The following GRIN2B variants were observed in gnomAD, a reference collection of about 807,000 sequenced individuals.
GRIN2B encodes the protein glutamate receptor ionotropic, NMDA 2B.
GRIN2B carries 5 observed loss-of-function variants against 114.5 expected under a neutral mutation model. That is an observed-to-expected ratio of 0.04 (90% CI 0.02 to 0.09). GRIN2B has a LOEUF of 0.09. GRIN2B is among the 10% of genes least tolerant of loss of function. GRIN2B has a pLI of 1.00. For missense variants in GRIN2B, 1,108 were observed against 1,943.5 expected, an observed-to-expected ratio of 0.57 and a Z score of 8.08; for synonymous variants, 787 against 745.1, an observed-to-expected ratio of 1.06 and a Z score of -0.92.
intron 3 of GRIN2B, among the ~76,000 whole-genome samples, chr12:13,810,720 A>T (rs1036488453): frequency 6.6e-6 from 1 of 152,184 alleles, no homozygotes; most frequent in African/African-American, 2.4e-5. Context: ...CTTAATAGTT[A>T]TTGCACTTCT....
chr12:13,678,280 T>C (rs1950094723), intron 4 of GRIN2B, among the ~76,000 whole-genome samples: 2 of 152,112 alleles, frequency 1.3e-5, no homozygotes, highest in Admixed American at 1.3e-4. Context: ...CCACCACCAC[T>C]GGATTGTCCT....
At chr12:13,567,399 G>GGAAATGAATAAAGTTAACA (rs1948655460) in intron 12 of GRIN2B, 136 bp from the exon 13 acceptor site, 1 of 669,212 alleles carries the variant, frequency 1.5e-6, no homozygotes, top group Non-Finnish European at 2.6e-6. Flanking sequence ...CAAAAAGAAA[G>GGAAATGAATAAAGTTAACA]GAAATGAATA....
intron 2 of GRIN2B, among the ~76,000 whole-genome samples, chr12:13,952,199 C>T (rs140156448): frequency 1.6e-4 from 25 of 152,018 alleles, no homozygotes; most frequent in African/African-American, 5.1e-4. Context: ...TTAGAGCTTC[C>T]GTAAAGGAAG....
chr12:13,627,022 CCAGGAGAATGTTAAGT>C (rs1949575809), intron 5 of GRIN2B, among the ~76,000 whole-genome samples: 1 of 151,578 alleles, frequency 6.6e-6, no homozygotes, highest in Non-Finnish European at 1.5e-5. Context: ...TTGGTAGGAC[CCAGGAGAATGTTAAGT>C]CAGTCTCAAT....
intron 2 of GRIN2B, among the ~76,000 whole-genome samples, chr12:13,948,330 G>A (rs112208773): frequency 6.6e-6 from 1 of 152,140 alleles, no homozygotes; most frequent in Admixed American, 6.6e-5. Context: ...AATGGGCTGC[G>A]ATGAAAGAAC....
intron 2 of GRIN2B, among the ~76,000 whole-genome samples, chr12:13,927,086 T>A (rs1211070706): frequency 6.6e-6 from 1 of 151,792 alleles, no homozygotes; most frequent in Non-Finnish European, 1.5e-5. Context: ...CAGATAATAA[T>A]ATCACTGTAA....
intron 5 of GRIN2B, among the ~76,000 whole-genome samples, chr12:13,675,534 A>C (rs1950065112): frequency 6.6e-6 from 1 of 152,190 alleles, no homozygotes; most frequent in Non-Finnish European, 1.5e-5. Flanking sequence ...AATAAATGGT[A>C]ATACACAAAG....
chr12:13,974,525 C>T (rs889903010), intron 2 of GRIN2B, among the ~76,000 whole-genome samples: 3 of 152,068 alleles, frequency 2.0e-5, no homozygotes, highest in Non-Finnish European at 4.4e-5. Flanking sequence ...TTGCCTTTTA[C>T]ACCAACTTTC....
rs148467533 is a variant in GRIN2B at position 13,716,295 on chromosome 12, A to C, written c.1010+37022T>G. On this transcript the variant is annotated intron_variant, in intron 4 of 13. Transcript: ENST00000609686. ...TACTGTGCAAATTTAGAGACAGGAG[A>C]GTATAGTGTAGGGAGGTGAAGTCAG... 4.1e-3 allele frequency among the ~76,000 whole-genome samples: 624 copies of C among 152,044 alleles called. 6 individuals are homozygous for C. Among genetic ancestry groups the C allele is most frequent in the Middle Eastern group, 0.01 (3 of 294 alleles).
intron 2 of GRIN2B, among the ~76,000 whole-genome samples, chr12:13,949,829 G>T (rs1220874474): frequency 2.0e-5 from 3 of 152,104 alleles, no homozygotes; most frequent in Admixed American, 1.3e-4. Context: ...AGGCTGTACT[G>T]TGTTTGCAGT....
intron 4 of GRIN2B, among the ~76,000 whole-genome samples, chr12:13,738,464 T>C (rs976230745): frequency 9.9e-5 from 15 of 152,182 alleles, no homozygotes; most frequent in African/African-American, 3.6e-4. Context: ...TGATGAAAAC[T>C]CATCCCTCTG....
At chr12:13,921,166 G>A (rs1451918096) in intron 2 of GRIN2B, among the ~76,000 whole-genome samples, 3 of 152,180 alleles carry the variant, frequency 2.0e-5, no homozygotes, top group African/African-American at 7.2e-5. Context: ...GGAGGCCAAG[G>A]CAGGCAGATA....
intron 3 of GRIN2B, among the ~76,000 whole-genome samples, chr12:13,794,116 G>A (rs1340749583): frequency 2.1e-5 from 3 of 145,264 alleles, no homozygotes; most frequent in Non-Finnish European, 3.0e-5. Flanking sequence ...GAGACAGGAG[G>A]ATCGCTTGAG....
chr12:13,651,254 G>C (rs181594177), intron 5 of GRIN2B, among the ~76,000 whole-genome samples: 183 of 152,180 alleles, frequency 1.2e-3, no homozygotes, highest in African/African-American at 4.1e-3. Flanking sequence ...GGGCAATGTG[G>C]GCCCAGGAAT....
In GRIN2B at chr12:13,819,145, C is replaced by T. The variant is rs551141679; in HGVS notation, c.411+46653G>A. 7.2e-5 allele frequency among the ~76,000 whole-genome samples: 11 copies of T among 152,222 alleles called. No individual in the cohort carries two copies. The South Asian group carries it at 2.3e-3, about 32-fold the overall frequency. On this transcript the variant is annotated intron_variant, in intron 3 of 13. Coordinates refer to ENST00000609686, the MANE Select transcript of GRIN2B (RefSeq NM_000834.5). ...TCTTTATAAAAAGAGGAAATTGGAA[C>T]ACACAAGAAGACACCAGGACACAGC...
intron 4 of GRIN2B, among the ~76,000 whole-genome samples, chr12:13,690,694 A>T (rs1950209574): frequency 6.6e-6 from 1 of 152,158 alleles, no homozygotes; most frequent in African/African-American, 2.4e-5. Flanking sequence ...CACAGGAGTG[A>T]ACATAATTAA....
chr12:13,707,424 G>A (rs2136575883), intron 4 of GRIN2B, among the ~76,000 whole-genome samples: 1 of 152,216 alleles, frequency 6.6e-6, no homozygotes, highest in East Asian at 1.9e-4. Flanking sequence ...GAACTCAATA[G>A]CTAAATGCCA....
chr12:13,581,361 G>A (rs1948846496), intron 10 of GRIN2B, among the ~76,000 whole-genome samples: 1 of 152,132 alleles, frequency 6.6e-6, no homozygotes, highest in African/African-American at 2.4e-5. Flanking sequence ...AATACCCTAT[G>A]GCCCAATTAG....
intron 10 of GRIN2B, among the ~76,000 whole-genome samples, chr12:13,572,576 C>T (rs1343439952): frequency 1.3e-5 from 2 of 152,112 alleles, no homozygotes; most frequent in African/African-American, 4.8e-5. Flanking sequence ...ATTATGTTCC[C>T]TTTCTTGCTT....
Sources: allele counts gnomAD v4.1 joint callset (sites outside exome capture counted in the v4.1 genomes callset), GRCh38; gene constraint gnomAD v4.1.1; transcripts MANE v1.5; gene names NCBI Gene and HGNC (gene_info 2026-07-23, HGNC 2026-07-21).